NBAS: variants seen among roughly 807,000 people sequenced by gnomAD.
The protein encoded by NBAS is NBAS subunit of NRZ tethering complex.
NBAS carries 219 observed loss-of-function variants against 302.5 expected under a neutral mutation model. The observed-to-expected ratio is 0.72, with a 90% confidence interval of 0.65 to 0.81. NBAS has a LOEUF of 0.81. Among genes scored for constraint, NBAS ranks in the 30% least tolerant of loss-of-function variants. The probability of loss-of-function intolerance (pLI) is 0.00; values close to 1 mark genes in which losing one functional copy is unlikely to be tolerated. For synonymous variants in NBAS, 1,118 were observed against 1,021.6 expected (o/e 1.09, Z -1.80); for missense variants, 2,932 against 2,841.6 (o/e 1.03, Z -0.72).
chr2:14,835,448 T>G, the NBAS span, among the ~76,000 whole-genome samples: 1 of 151,974 alleles, frequency 6.6e-6, no homozygotes, highest in Admixed American at 6.6e-5. Flanking sequence ...GTCACCTGCC[T>G]AATGACAACC....
chr2:14,832,532 C>T, the NBAS span, among the ~76,000 whole-genome samples: 13 of 152,124 alleles, frequency 8.5e-5, no homozygotes, highest in East Asian at 2.5e-3. Context: ...AACCACTCCT[C>T]CTACTCTCTG....
At chr2:14,821,431 AC>A in the NBAS span, among the ~76,000 whole-genome samples, 1 of 152,022 alleles carries the variant, frequency 6.6e-6, no homozygotes, top group African/African-American at 2.4e-5. Context: ...GCTGACATCC[AC>A]CCTGCCCGCT....
intron 31 of NBAS, among the ~76,000 whole-genome samples, chr2:15,368,879 A>G (rs1428547598): frequency 1.3e-5 from 2 of 152,246 alleles, no homozygotes; most frequent in Admixed American, 6.5e-5. Flanking sequence ...GCGGCTAACC[A>G]AAGTGGACAC....
intron 38 of NBAS, among the ~76,000 whole-genome samples, chr2:15,315,346 C>T (rs560976973): frequency 7.2e-5 from 11 of 152,096 alleles, no homozygotes; most frequent in East Asian, 3.9e-4. Context: ...CAGGAGTGTA[C>T]GGGAGTGAAC....
chr2:15,530,076 T>G (rs924442756), intron 9 of NBAS, among the ~76,000 whole-genome samples: 1 of 152,186 alleles, frequency 6.6e-6, no homozygotes, highest in Non-Finnish European at 1.5e-5. Context: ...ATTTTTAAAT[T>G]TTTTCAGTTA....
At chr2:14,916,857 G>A in the NBAS span, among the ~76,000 whole-genome samples, 5 of 152,196 alleles carry the variant, frequency 3.3e-5, no homozygotes, top group African/African-American at 1.2e-4. Flanking sequence ...CACAATGTTT[G>A]TTCTGTTCCC....
the NBAS span, among the ~76,000 whole-genome samples, chr2:14,808,693 T>C: frequency 1.3e-5 from 2 of 152,302 alleles, no homozygotes; most frequent in East Asian, 3.9e-4. Flanking sequence ...AGTAAATTGG[T>C]ACCAGTAGAG....
the NBAS span, among the ~76,000 whole-genome samples, chr2:14,844,565 C>G: frequency 4.1e-3 from 630 of 152,330 alleles, 4 homozygotes; most frequent in African/African-American, 0.014. Context: ...GGTACCAGCT[C>G]TGCCACAGAG....
At chr2:15,275,368 A>G in intron 44 of NBAS, 116 bp downstream of exon 44, 1 of 1,249,758 alleles carries the variant, frequency 8.0e-7, no homozygotes, top group Non-Finnish European at 1.1e-6. Flanking sequence ...ACTTTTTAAA[A>G]AGCCAACATG....
At chr2:14,861,984 C>T in the NBAS span, among the ~76,000 whole-genome samples, 3 of 152,128 alleles carry the variant, frequency 2.0e-5, no homozygotes, top group Admixed American at 6.5e-5. Flanking sequence ...GAATTAAGGC[C>T]GGTATCTGGA....
At chr2:15,138,350 T>G in the NBAS span, among the ~76,000 whole-genome samples, 1 of 151,832 alleles carries the variant, frequency 6.6e-6, no homozygotes, top group Non-Finnish European at 1.5e-5. Flanking sequence ...TGGTGCAGAG[T>G]CCAGGTGGTG....
At position 15,554,042 on chromosome 2, in the gene NBAS, G is replaced by A. The variant is rs770789912; in HGVS notation, c.287+19C>T. ...AAGCTAATCCAGACAGAAAAACATT[G>A]AATTTCACACTTCCTTACCTTGCAA... On this transcript the variant is annotated intron_variant, in intron 4 of 51. Coordinates refer to ENST00000281513, the MANE Select transcript of NBAS (RefSeq NM_015909.4). The A allele has an allele frequency of 3.8e-6, 6 of 1,562,602 alleles. No individual in the cohort carries two copies. The highest frequency in any genetic ancestry group is 4.4e-6 in the Non-Finnish European group (5 of 1,135,616).
At chr2:15,214,039 A>G (rs1666542424) in intron 48 of NBAS, among the ~76,000 whole-genome samples, 1 of 152,174 alleles carries the variant, frequency 6.6e-6, no homozygotes, top group Admixed American at 6.5e-5. Context: ...GCCACTCTAT[A>G]AGGAAATCTT....
the NBAS span, among the ~76,000 whole-genome samples, chr2:15,150,930 A>T: frequency 6.6e-6 from 1 of 152,216 alleles, no homozygotes; most frequent in East Asian, 1.9e-4. Flanking sequence ...AGAGTAGGCA[A>T]AACCTATAGT....
At chr2:15,002,587 T>G in the NBAS span, among the ~76,000 whole-genome samples, 1 of 152,088 alleles carries the variant, frequency 6.6e-6, no homozygotes, top group Admixed American at 6.5e-5. Context: ...GAGCAGGGGG[T>G]GGCACTCACT....
the NBAS span, among the ~76,000 whole-genome samples, chr2:14,986,225 T>TG: frequency 2.2e-5 from 3 of 139,280 alleles, no homozygotes; most frequent in African/African-American, 6.1e-5. Flanking sequence ...GCAGCATAAT[T>TG]GGGGAAAAAA....
Position 15,474,127 on chromosome 2 carries a change from A to G in NBAS, c.1539T>C (p.Thr513=). The change falls in exon 15 of 52, where the codon ACT becomes ACC. Residue 513 remains threonine (T), a synonymous_variant. Transcript: ENST00000281513. ...APPRKRPRTI[T]KNYRLVSLRS... is the part of the protein sequence containing the mutation. ...GCAAACTCACAAGGCGGTAGTTTTT[A>G]GTAATGGTTCGTGGGCGTTTCCGTG... The G allele has an allele frequency of 6.2e-7, 1 of 1,614,118 alleles. No individual in the cohort carries two copies.
intron 44 of NBAS, among the ~76,000 whole-genome samples, chr2:15,275,007 T>C (rs1047747490): frequency 1.3e-5 from 2 of 151,436 alleles, no homozygotes; most frequent in African/African-American, 4.9e-5. Context: ...GGTCTCAAAC[T>C]CCTGATCTCA....
intron 6 of NBAS, among the ~76,000 whole-genome samples, chr2:15,541,168 T>C (rs1663799229): frequency 6.6e-6 from 1 of 152,210 alleles, no homozygotes; most frequent in African/African-American, 2.4e-5. Flanking sequence ...ATTCTGTACA[T>C]ACCTCTTTCA....
Sources: gnomAD v4.1 joint callset for allele counts (sites outside exome capture counted in the v4.1 genomes callset) on GRCh38, gnomAD v4.1.1 for gene constraint, MANE v1.5 for transcripts, NCBI Gene and HGNC (gene_info 2026-07-23, HGNC 2026-07-21) for gene names.